The following TMEM63A variants were observed in gnomAD, a reference collection of about 807,000 sequenced individuals.
The protein encoded by TMEM63A is mechanosensitive cation channel TMEM63A.
A neutral mutation model predicts 100.6 loss-of-function variants in TMEM63A; 76 were observed. The observed-to-expected ratio is 0.76, with a 90% CI of 0.63 to 0.91. The LOEUF is 0.91. Ranked by LOEUF, TMEM63A falls within the 40% of genes least tolerant of loss-of-function variation. The pLI is 0.00. For synonymous variants in TMEM63A, 401 were observed against 401.1 expected, an observed-to-expected ratio of 1.00 and a Z score of 0.00; for missense variants, 876 against 1,008.8, an observed-to-expected ratio of 0.87 and a Z score of 1.78.
chr1:225,871,967 A>G lies in TMEM63A; in HGVS notation c.333+20T>C, dbSNP rs753278458. 1.6e-5 allele frequency: 25 copies of G among 1,602,154 alleles called. No homozygotes were observed. The Middle Eastern group carries it at 8.2e-4, about 53-fold the overall frequency. The stretch of plus-strand genomic sequence containing the variant: ...TCCCCACCCCCTGGCCATGACCACA[A>G]CTGGGCCTTAGATACCAACCAGCTC... On this transcript the variant is annotated intron_variant, in intron 5 of 24. Transcript: ENST00000366835.
At chr1:225,861,179 T>C in intron 13 of TMEM63A, 182 bp from the exon 14 acceptor site, 1 of 573,072 alleles carries the variant, frequency 1.7e-6, no homozygotes, top group South Asian at 3.7e-5. Context: ...TGGAGAATTT[T>C]GTTTAATCCT....
At position 225,845,615 on chromosome 1, in the gene TMEM63A, T is replaced by G; in HGVS notation, c.*1324A>C. On this transcript the variant is annotated 3_prime_UTR_variant, in exon 25 of 25. Coordinates refer to ENST00000366835, the MANE Select transcript of TMEM63A (RefSeq NM_014698.3). Reference sequence around the variant, plus strand: ...TGCGCTGACCCCACATGGGGCCCCCTGTGCAAGCAGAGCTGGCCGGCCCCT... The same window carrying G: ...TGCGCTGACCCCACATGGGGCCCCCGGTGCAAGCAGAGCTGGCCGGCCCCT... The G allele has an allele frequency of 1.9e-6, 1 of 524,380 alleles. No homozygotes were observed. The highest frequency in any genetic ancestry group is 3.4e-6 in the Non-Finnish European group (1 of 289,956). The allele number at this position is 524,380 out of a possible 1,614,324, so 32.5% of individuals were successfully genotyped here. A position where few individuals can be genotyped will look rare whatever the true frequency, so the allele number is the denominator to read the frequency against.
Position 225,847,050 on chromosome 1 carries a change from T to C in TMEM63A, c.2414A>G (p.Gln805Arg). 6.2e-7 allele frequency: 1 copy of C among 1,611,142 alleles called. No homozygotes were observed. Among genetic ancestry groups the C allele is most frequent in the South Asian group, 1.1e-5 (1 of 90,884 alleles). Reference sequence around the variant, plus strand: ...GCAGCTCACCCAGCCTCAGGCCTCCTGGGGGGCAGCAGCCACACTGCCCGT... The same window carrying C: ...GCAGCTCACCCAGCCTCAGGCCTCCCGGGGGGCAGCAGCCACACTGCCCGT... ...SATGSVAAAP[Q>R]EA is the part of the protein sequence containing the mutation. Residue 805 changes from glutamine (Q) to arginine (R), a missense_variant, in exon 24 of 25, where the codon CAG becomes CGG. Gln to Arg is a conservative substitution (Grantham distance 43). This residue lies in a region of TMEM63A where 339 missense variants were observed against 342.3 expected (regional missense o/e 0.99). Coordinates refer to ENST00000366835, the MANE Select transcript of TMEM63A (RefSeq NM_014698.3).
chr1:225,877,362 A>G, intron 3 of TMEM63A, 33 bp downstream of exon 3: 1 of 1,581,214 alleles, frequency 6.3e-7, no homozygotes, highest in South Asian at 1.1e-5. Flanking sequence ...CAAATAACTG[A>G]GGCAGTGGGA....
At position 225,862,663 on chromosome 1, in the gene TMEM63A, G is replaced by A. The variant is rs1483771469; in HGVS notation, c.828-85C>T. 49 of 1,602,296 alleles carry A rather than the reference G, an allele frequency of 3.1e-5. No homozygotes were observed. The highest frequency in any genetic ancestry group is 3.8e-5 in the Non-Finnish European group (44 of 1,172,620). On this transcript the variant is annotated intron_variant, in intron 11 of 24. Transcript: ENST00000366835. The surrounding 1 kb of genome is among the most constrained non-coding windows in gnomAD (Gnocchi z 5.1). ...CATACCCACAGTTCAACCATCGAACGCCAGGGGAGAAGGAGGGGTCCAGGG... is the reference window on the plus strand; with the variant it reads ...CATACCCACAGTTCAACCATCGAACACCAGGGGAGAAGGAGGGGTCCAGGG...
chr1:225,848,640 C>A (rs1669151653), intron 22 of TMEM63A, 86 bp from the exon 23 acceptor site: 2 of 1,402,762 alleles, frequency 1.4e-6, no homozygotes, highest in Non-Finnish European at 2.0e-6. Flanking sequence ...CTATTAACAC[C>A]CGGAATAATA....
At chr1:225,848,293 T>C in intron 23 of TMEM63A, 199 bp downstream of exon 23, 1 of 598,446 alleles carries the variant, frequency 1.7e-6, no homozygotes, top group Non-Finnish European at 2.9e-6. Context: ...AGACTCTATC[T>C]CCTCAACAGT....
In TMEM63A at chr1:225,845,611, C is replaced by T; in HGVS notation, c.*1328G>A. On this transcript the variant is annotated 3_prime_UTR_variant, in exon 25 of 25. Transcript: ENST00000366835. ...AGCGTGCGCTGACCCCACATGGGGC[C>T]CCCTGTGCAAGCAGAGCTGGCCGGC... 1.8e-6 allele frequency: 1 copy of T among 548,214 alleles called. No homozygotes were observed. The highest frequency in any genetic ancestry group is 3.3e-6 in the Non-Finnish European group (1 of 304,856). 34.0% of individuals were successfully genotyped at this position (548,214 alleles called of 1,614,324 possible).
chr1:225,842,621 A>G (rs1032766474), downstream of TMEM63A: 60 of 727,388 alleles, frequency 8.2e-5, no homozygotes, highest in Non-Finnish European at 1.4e-4. Context: ...CCCTGTGACC[A>G]ACGTAGCTGC....
intron 15 of TMEM63A, among the ~76,000 whole-genome samples, chr1:225,857,376 C>CGGGGTGGGG (rs1213111924): frequency 2.1e-3 from 7 of 3,258 alleles, no homozygotes; most frequent in African/African-American, 4.4e-3. Context: ...GAGTCCTGGC[C>CGGGGTGGGG]GGCGGGGCGG....
chr1:225,870,696 G>C (rs1176740655), intron 6 of TMEM63A, among the ~76,000 whole-genome samples: 1 of 152,174 alleles, frequency 6.6e-6, no homozygotes, highest in Non-Finnish European at 1.5e-5. Flanking sequence ...CAAAAAAATA[G>C]CTTTAATTAG....
rs759902044 is a variant in TMEM63A at position 225,861,632 on chromosome 1, C to T, written c.1085+586G>A. 3.2e-5 allele frequency: 5 copies of T among 157,480 alleles called. No individual in the cohort carries two copies. The South Asian group carries it at 9.4e-4, about 30-fold the overall frequency. The allele number at this position is 157,480 out of a possible 1,614,324, so 9.8% of individuals were successfully genotyped here. On this transcript the variant is annotated intron_variant, in intron 13 of 24. Coordinates refer to ENST00000366835, the MANE Select transcript of TMEM63A (RefSeq NM_014698.3). ...GGCAGTGGCTGGACACCTTTCCACA[C>T]CCCTCTCCCGACCCACCCTGTGCTG...
intron 21 of TMEM63A, 28 bp from the exon 22 acceptor site, chr1:225,849,040 G>A (rs748154503): frequency 2.1e-6 from 3 of 1,459,316 alleles, no homozygotes; most frequent in African/African-American, 2.8e-5. Context: ...CTAGCCTTGG[G>A]GTGGGCAGGG....
At chr1:225,878,413 C>T (rs915520853) in intron 2 of TMEM63A, among the ~76,000 whole-genome samples, 1 of 152,184 alleles carries the variant, frequency 6.6e-6, no homozygotes, top group Non-Finnish European at 1.5e-5. Flanking sequence ...CGCTTTCACA[C>T]ACACATACCC....
rs754078620 is a variant in TMEM63A, at chr1:225,853,767, AC to A, written c.1658del (p.Gly553ValfsTer5). On this transcript the variant is annotated frameshift_variant, in exon 19 of 25. Transcript: ENST00000366835. LOFTEE classifies it high-confidence loss of function. This position sits in a 1 kb window ranked among gnomAD's most constrained non-coding sequence, Gnocchi z 4.0. ...CGATGACATAGTTCACAAAGAAGGC[AC>A]CCTGGTCAGGCAGGAAGACGCACCT... Reference protein sequence around the residue: ...RLECVFLPDQGAFFVNYVIAS... With the variant: ...RLECVFLPDQXAFFVNYVIAS... 6.2e-7 allele frequency: 1 copy of A among 1,607,802 alleles called. No homozygotes were observed. Among genetic ancestry groups the A allele is most frequent in the South Asian group, 1.1e-5 (1 of 89,774 alleles).
intron 22 of TMEM63A, 54 bp downstream of exon 22, chr1:225,848,843 C>T: frequency 7.1e-7 from 1 of 1,408,320 alleles, no homozygotes; most frequent in African/African-American, 1.4e-5. Context: ...CGAGCCCGTC[C>T]CACCATCTGT....
At chr1:225,848,275 T>C in intron 23 of TMEM63A, 1 of 567,750 alleles carries the variant, frequency 1.8e-6, no homozygotes, top group Non-Finnish European at 3.1e-6. Flanking sequence ...TGGCCATGAA[T>C]CGAGACAAGA....
chr1:225,860,631 A>G, intron 14 of TMEM63A: 1 of 390,808 alleles, frequency 2.6e-6, no homozygotes, highest in Admixed American at 4.5e-5. Flanking sequence ...AACTGGCATT[A>G]TATTTCTGCT....
chr1:225,866,346 ATTTCT>A, intron 9 of TMEM63A: 2 of 541,322 alleles, frequency 3.7e-6, no homozygotes, highest in East Asian at 6.4e-5. Flanking sequence ...CTCAACCCAA[ATTTCT>A]TTACTTAGCA....
Sources: allele counts gnomAD v4.1 joint callset (sites outside exome capture counted in the v4.1 genomes callset), GRCh38; gene constraint gnomAD v4.1.1; regional missense constraint gnomAD v4.1.1; non-coding constraint Gnocchi (gnomAD v3.1); transcripts MANE v1.5; gene names NCBI Gene and HGNC (gene_info 2026-07-23, HGNC 2026-07-21).